RFX4: variants seen among roughly 807,000 people sequenced by gnomAD.
RFX4 encodes regulatory factor X4, also known as transcription factor RFX4.
A neutral mutation model predicts 95.0 loss-of-function variants in RFX4; 10 were observed. That is an observed-to-expected ratio of 0.11 (90% CI 0.06 to 0.18). The LOEUF is 0.18. Among genes scored for constraint, RFX4 ranks in the 10% least tolerant of loss-of-function variants. RFX4 has a pLI of 1.00. For missense variants in RFX4, 640 were observed against 922.0 expected, an observed-to-expected ratio of 0.69 and a Z score of 3.96; for synonymous variants, 321 against 340.7, an observed-to-expected ratio of 0.94 and a Z score of 0.64.
chr12:106,689,171 A>G, intron 6 of RFX4, 116 bp from the exon 7 acceptor site: 1 of 853,140 alleles, frequency 1.2e-6, no homozygotes, highest in South Asian at 1.4e-5. Flanking sequence ...AGCCGGTGTT[A>G]GGTGAATTGC....
At chr12:106,595,758 C>T (rs1210497535) in intron 1 of RFX4, among the ~76,000 whole-genome samples, 3 of 152,188 alleles carry the variant, frequency 2.0e-5, no homozygotes, top group Non-Finnish European at 4.4e-5. Context: ...TAGCATGTTA[C>T]AGTCTATAAT....
chr12:106,696,374 T>A lies in RFX4; in HGVS notation c.761T>A (p.Val254Glu), dbSNP rs1434578739. ...TCCACGGTGGTGAACATTGTCGGCG[T>A]GTGTGACTCCATCCTCTACAAAGCT... ...GSSTVVNIVG[V>E]CDSILYKAIS... The change falls in exon 8 of 18, where the codon GTG becomes GAG. Residue 254 changes from valine (V) to glutamate (E), a missense_variant. By Grantham distance (121) the Val-to-Glu change is moderately radical. This residue lies in a region of RFX4 where 96 missense variants were observed against 183.7 expected (regional missense o/e 0.52). Transcript: ENST00000392842. 4 of 1,613,938 alleles carry A rather than the reference T, an allele frequency of 2.5e-6. No individual in the cohort carries two copies. Among genetic ancestry groups the A allele is most frequent in the Non-Finnish European group, 2.5e-6 (3 of 1,180,020 alleles).
Position 106,689,863 on chromosome 12 carries a change from T to C in RFX4, c.669+499T>C, listed in dbSNP as rs959346860. Among the ~76,000 whole-genome samples, 5 of 152,146 alleles carry C rather than the reference T, an allele frequency of 3.3e-5. 1 individual carries two copies. The highest frequency in any genetic ancestry group is 2.9e-5 in the Non-Finnish European group (2 of 68,024). ...TCCCATTAGTAGGGCCATCGTTAAA[T>C]ACAAACAATGTAAGAAGTCCATTTT... On this transcript the variant is annotated intron_variant, in intron 7 of 17. Coordinates refer to ENST00000392842, the MANE Select transcript of RFX4 (RefSeq NM_213594.3).
At chr12:106,687,135 T>G in intron 6 of RFX4, 38 bp downstream of exon 6, 1 of 1,461,362 alleles carries the variant, frequency 6.8e-7, no homozygotes, top group Non-Finnish European at 9.5e-7. Context: ...GGTGGGTGGT[T>G]TCTCTCTCTT....
rs182308669 is a variant in RFX4, at chr12:106,676,853, T to C, written c.316-5140T>C. On this transcript the variant is annotated intron_variant, in intron 4 of 17. Coordinates refer to ENST00000392842, the MANE Select transcript of RFX4 (RefSeq NM_213594.3). ...AATGTGTAAATGTAGGAATATGACA[T>C]AAAAGAAATAAAGGTTACTGTTAAA... Among the ~76,000 whole-genome samples the C allele has an allele frequency of 6.6e-5, 10 of 152,282 alleles. No individual in the cohort carries two copies. The East Asian group carries it at 1.5e-3, about 24-fold the overall frequency.
intron 1 of RFX4, chr12:106,601,348 T>C (rs2039704835): frequency 1.3e-6 from 2 of 1,578,610 alleles, no homozygotes; most frequent in East Asian, 2.3e-5. Flanking sequence ...GTTCCACTGG[T>C]AATGACCAGG....
chr12:106,661,441 T>C (rs1459796580), intron 4 of RFX4, among the ~76,000 whole-genome samples: 1 of 152,096 alleles, frequency 6.6e-6, no homozygotes, highest in Non-Finnish European at 1.5e-5. Flanking sequence ...TGTACAGAGA[T>C]TTCTCATATA....
At chr12:106,717,927 C>T (rs1437388269) in intron 11 of RFX4, among the ~76,000 whole-genome samples, 6 of 152,222 alleles carry the variant, frequency 3.9e-5, no homozygotes, top group Non-Finnish European at 8.8e-5. Flanking sequence ...CAGTGCTCTT[C>T]TTTCCTCACA....
chr12:106,739,105 T>C (rs1348846627), intron 15 of RFX4, among the ~76,000 whole-genome samples: 4 of 121,298 alleles, frequency 3.3e-5, no homozygotes, highest in Non-Finnish European at 7.7e-5. Context: ...AAAAATCAAT[T>C]TCGTAAAAAG....
chr12:106,653,301 T>C (rs538239019), intron 3 of RFX4, among the ~76,000 whole-genome samples: 10 of 152,320 alleles, frequency 6.6e-5, no homozygotes, highest in South Asian at 4.1e-4. Context: ...GGTCAGGACA[T>C]ATAGTGCCCA....
chr12:106,628,190 C>A (rs2040343528), intron 2 of RFX4, among the ~76,000 whole-genome samples: 2 of 152,188 alleles, frequency 1.3e-5, no homozygotes, highest in South Asian at 4.1e-4. Context: ...CCTCTCTTCA[C>A]CAGCTTACCT....
chr12:106,755,871 A>AC (rs779225704), intron 17 of RFX4, among the ~76,000 whole-genome samples: 2 of 152,200 alleles, frequency 1.3e-5, no homozygotes, highest in South Asian at 2.1e-4. Flanking sequence ...CACAAAAGTA[A>AC]CTGAAACTAC....
intron 3 of RFX4, among the ~76,000 whole-genome samples, chr12:106,641,683 C>A (rs1342359466): frequency 6.6e-6 from 1 of 152,138 alleles, no homozygotes. Flanking sequence ...AAAGCCAAAC[C>A]AAATCTGAGA....
At chr12:106,674,252 T>C (rs149828296) in intron 4 of RFX4, among the ~76,000 whole-genome samples, 1,716 of 152,274 alleles carry the variant, frequency 0.011, 21 homozygotes, top group Non-Finnish European at 0.018. Context: ...TCTCACTTCC[T>C]TTAGGTCACT....
chr12:106,675,977 C>T (rs564642151), intron 4 of RFX4, among the ~76,000 whole-genome samples: 2 of 152,134 alleles, frequency 1.3e-5, no homozygotes, highest in African/African-American at 4.8e-5. Context: ...GAAAAGTGGT[C>T]GTGATGGGGC....
intron 13 of RFX4, among the ~76,000 whole-genome samples, chr12:106,731,222 T>A (rs1050543437): frequency 1.3e-5 from 2 of 152,168 alleles, no homozygotes; most frequent in East Asian, 3.9e-4. Flanking sequence ...ACAGTAGACA[T>A]TAACTGAGCC....
chr12:106,603,386 C>T (rs556063894), intron 1 of RFX4, among the ~76,000 whole-genome samples: 13 of 152,348 alleles, frequency 8.5e-5, no homozygotes, highest in Admixed American at 7.2e-4. Flanking sequence ...AAAATAACTT[C>T]ACATTGGGGT....
chr12:106,761,082 A>G (rs1566011812), intron 17 of RFX4, 115 bp from the exon 18 acceptor site: 2 of 1,119,242 alleles, frequency 1.8e-6, no homozygotes, highest in Non-Finnish European at 2.6e-6. Flanking sequence ...TTCTCCATCA[A>G]CTCTCATTAA....
chr12:106,661,421 A>G (rs2041070723), intron 4 of RFX4, among the ~76,000 whole-genome samples: 1 of 152,154 alleles, frequency 6.6e-6, no homozygotes, highest in Non-Finnish European at 1.5e-5. Context: ...TTTGACAGCA[A>G]AGAATAAATT....
Sources: allele counts gnomAD v4.1 joint callset (sites outside exome capture counted in the v4.1 genomes callset), GRCh38; gene constraint gnomAD v4.1.1; regional missense constraint gnomAD v4.1.1; transcripts MANE v1.5; gene names NCBI Gene and HGNC (gene_info 2026-07-23, HGNC 2026-07-21).